Variants in HEPACAM2 observed in about 807,000 individuals in gnomAD.
The protein encoded by HEPACAM2 is mitotic kinetics regulator.
HEPACAM2 carries 49 observed loss-of-function variants against 49.6 expected under a neutral mutation model. The ratio of observed to expected loss-of-function variants is 0.99; its 90% CI spans 0.78 to 1.25. The LOEUF is 1.25. Among genes scored for constraint, HEPACAM2 ranks in the 50% most tolerant of loss-of-function variants. The pLI is 0.00. For synonymous variants in HEPACAM2, 197 were observed against 202.9 expected (o/e 0.97, Z 0.25); for missense variants, 525 against 557.2 (o/e 0.94, Z 0.58).
the HEPACAM2 span, among the ~76,000 whole-genome samples, chr7:93,232,147 CT>C: frequency 6.6e-6 from 1 of 152,198 alleles, no homozygotes; most frequent in Non-Finnish European, 1.5e-5. Context: ...AGAGTAGCTA[CT>C]GCCTAGTGCA....
Position 93,208,741 on chromosome 7 carries a change from C to G in HEPACAM2, c.851G>C (p.Arg284Thr), listed in dbSNP as rs770563498. The G allele has an allele frequency of 1.2e-6, 2 of 1,613,184 alleles. No individual in the cohort carries two copies. The highest frequency in any genetic ancestry group is 1.7e-6 in the Non-Finnish European group (2 of 1,179,442). ...GATATATGTAGTATTGTCAGTCCTC[C>G]TAATCCAGGAGTAGGTGTTGGGGGG... ...SHPPNTYSWIRRTDNTTYIIK... is the reference protein window; with the variant it reads ...SHPPNTYSWITRTDNTTYIIK... Residue 284 changes from arginine to threonine, a missense_variant, in exon 4 of 10, where the codon AGG becomes ACG. By Grantham distance (71) the Arg-to-Thr change is moderately conservative (BLOSUM62 -1). Coordinates refer to ENST00000394468, the MANE Select transcript of HEPACAM2 (RefSeq NM_001039372.4).
chr7:93,195,619 G>T (rs1257390364), intron 8 of HEPACAM2, among the ~76,000 whole-genome samples: 7 of 152,156 alleles, frequency 4.6e-5, no homozygotes, highest in Non-Finnish European at 8.8e-5. Context: ...CCTTATTTGT[G>T]TTAGCTTTAC....
intron 1 of HEPACAM2, among the ~76,000 whole-genome samples, chr7:93,222,239 A>G (rs73218068): frequency 1.3e-5 from 2 of 152,290 alleles, no homozygotes; most frequent in Non-Finnish European, 2.9e-5. Flanking sequence ...TGTACAAAAC[A>G]AAATGCATTT....
At chr7:93,212,379 A>C (rs1295225497) in intron 3 of HEPACAM2, among the ~76,000 whole-genome samples, 1 of 151,926 alleles carries the variant, frequency 6.6e-6, no homozygotes, top group Non-Finnish European at 1.5e-5. Context: ...CACATCCCTC[A>C]AACTTCCTTG....
intron 8 of HEPACAM2, among the ~76,000 whole-genome samples, chr7:93,193,468 T>C (rs1793608023): frequency 6.6e-6 from 1 of 152,174 alleles, no homozygotes; most frequent in African/African-American, 2.4e-5. Flanking sequence ...AGCTGTTAAA[T>C]AATAAACTTG....
At chr7:93,204,085 T>A (rs1239003173) in intron 4 of HEPACAM2, among the ~76,000 whole-genome samples, 2 of 152,132 alleles carry the variant, frequency 1.3e-5, no homozygotes, top group Non-Finnish European at 2.9e-5. Context: ...ATTAGTAAAT[T>A]CATTTTCCTG....
intron 8 of HEPACAM2, 141 bp downstream of exon 8, chr7:93,195,687 G>A (rs1429571514): frequency 3.4e-5 from 22 of 650,172 alleles, no homozygotes; most frequent in South Asian, 1.6e-4. Flanking sequence ...CATTCATTAC[G>A]GAGTAAGTCA....
chr7:93,215,039 G>C (rs1161661208), intron 3 of HEPACAM2, among the ~76,000 whole-genome samples: 1 of 152,092 alleles, frequency 6.6e-6, no homozygotes, highest in Non-Finnish European at 1.5e-5. Flanking sequence ...TATTTGGAGA[G>C]GAAAAAAGTT....
At chr7:93,218,136 G>C (rs189674158) in intron 2 of HEPACAM2, among the ~76,000 whole-genome samples, 5 of 152,256 alleles carry the variant, frequency 3.3e-5, no homozygotes, top group Non-Finnish European at 5.9e-5. Flanking sequence ...AACCGAGTGA[G>C]TGAGGGGGAT....
intron 3 of HEPACAM2, 37 bp downstream of exon 3, chr7:93,215,363 CA>C: frequency 6.3e-7 from 1 of 1,582,350 alleles, no homozygotes; most frequent in African/African-American, 1.4e-5. Flanking sequence ...CAGAAAACAA[CA>C]AAAAACAACT....
chr7:93,192,979 G>T (rs1584325560), intron 8 of HEPACAM2, among the ~76,000 whole-genome samples: 1 of 151,946 alleles, frequency 6.6e-6, no homozygotes, highest in East Asian at 1.9e-4. Context: ...TATTGAAAGT[G>T]GTATTTGTGT....
At chr7:93,225,136 A>C (rs964622302) in intron 1 of HEPACAM2, among the ~76,000 whole-genome samples, 6 of 152,190 alleles carry the variant, frequency 3.9e-5, no homozygotes, top group Admixed American at 6.5e-5. Context: ...GCCAGTTTCA[A>C]AAACAACACT....
chr7:93,199,713 A>C (rs1793831896), intron 4 of HEPACAM2, among the ~76,000 whole-genome samples: 1 of 152,084 alleles, frequency 6.6e-6, no homozygotes, highest in African/African-American at 2.4e-5. Context: ...AGTCTTCAAA[A>C]AATTGCACAT....
intron 2 of HEPACAM2, among the ~76,000 whole-genome samples, chr7:93,216,461 G>A (rs1794310291): frequency 6.6e-6 from 1 of 152,174 alleles, no homozygotes. Flanking sequence ...CCACACAGTA[G>A]GCTCTTAATA....
chr7:93,217,884 G>C (rs1794346794), intron 2 of HEPACAM2, among the ~76,000 whole-genome samples: 1 of 142,734 alleles, frequency 7.0e-6, no homozygotes, highest in East Asian at 2.0e-4. Context: ...GTCTGTGTGT[G>C]TGTGTGTGTG....
chr7:93,188,745 C>T lies in HEPACAM2; in HGVS notation c.*522G>A. 3.0e-6 allele frequency: 1 copy of T among 328,456 alleles called. No individual in the cohort carries two copies. The highest frequency in any genetic ancestry group is 4.8e-5 in the Admixed American group (1 of 20,740). 20.3% of individuals were successfully genotyped at this position (328,456 alleles called of 1,614,324 possible). The stretch of plus-strand genomic sequence containing the variant: ...GGCATAGTTTTGTTTTTGTGACAAC[C>T]ATCCTTATTACTTTGTTGTACAAAT... On this transcript the variant is annotated 3_prime_UTR_variant, in exon 10 of 10. Coordinates refer to ENST00000394468, the MANE Select transcript of HEPACAM2 (RefSeq NM_001039372.4).
chr7:93,205,676 A>G (rs568884826), intron 4 of HEPACAM2: 1 of 152,266 alleles, frequency 6.6e-6, no homozygotes, highest in South Asian at 2.1e-4. Flanking sequence ...ATGGTCATTT[A>G]TAACTGTAGG....
chr7:93,204,725 T>A (rs1161310512), intron 4 of HEPACAM2, among the ~76,000 whole-genome samples: 2 of 152,242 alleles, frequency 1.3e-5, no homozygotes, highest in South Asian at 4.1e-4. Context: ...AGTGACCCTA[T>A]ACCTACCTTT....
At chr7:93,219,022 G>T in intron 2 of HEPACAM2, 79 bp downstream of exon 2, 1 of 1,241,668 alleles carries the variant, frequency 8.1e-7, no homozygotes, top group Non-Finnish European at 1.1e-6. Context: ...AAGATCTAAA[G>T]CCGAAGTAGT....
Sources: gnomAD v4.1 joint callset for allele counts (sites outside exome capture counted in the v4.1 genomes callset) on GRCh38, gnomAD v4.1.1 for gene constraint, MANE v1.5 for transcripts, NCBI Gene and HGNC (gene_info 2026-07-23, HGNC 2026-07-21) for gene names.